RCBTB1: variants seen among roughly 807,000 people sequenced by gnomAD.
RCBTB1 encodes RCC1 and BTB domain-containing protein 1.
Under a neutral mutation model 62.4 loss-of-function variants are expected in RCBTB1, and 46 were observed. The observed-to-expected ratio is 0.74, with a 90% CI of 0.58 to 0.94. RCBTB1 has a LOEUF of 0.94. Ranked by LOEUF, RCBTB1 falls within the 40% of genes least tolerant of loss-of-function variation. The pLI is 0.00. For missense variants in RCBTB1, 565 were observed against 654.9 expected (o/e 0.86, Z 1.50); for synonymous variants, 222 against 245.8 (o/e 0.90, Z 0.91).
chr13:49,547,112 T>A, intron 9 of RCBTB1: 1 of 1,285,544 alleles, frequency 7.8e-7, no homozygotes, highest in Non-Finnish European at 1.0e-6. Context: ...GCCATACATG[T>A]GCAATTCTGG....
chr13:49,551,499 C>T, intron 7 of RCBTB1, 31 bp from the exon 8 acceptor site: 1 of 1,611,376 alleles, frequency 6.2e-7, no homozygotes, highest in Non-Finnish European at 8.5e-7. Context: ...TTACCATTAG[C>T]AGGAAAACAG....
chr13:49,563,355 CAAAAAAAA>C (rs57586924), intron 4 of RCBTB1, among the ~76,000 whole-genome samples: 4 of 52,212 alleles, frequency 7.7e-5, no homozygotes, highest in East Asian at 6.0e-4. Context: ...GACCCTGCCT[CAAAAAAAA>C]AAAAAAAAAA....
intron 6 of RCBTB1, among the ~76,000 whole-genome samples, chr13:49,554,570 C>T (rs180907270): frequency 6.6e-6 from 1 of 152,154 alleles, no homozygotes; most frequent in Non-Finnish European, 1.5e-5. Context: ...GGAACCGGGC[C>T]GCACAGCAGG....
intron 2 of RCBTB1, among the ~76,000 whole-genome samples, chr13:49,572,132 G>T (rs759419867): frequency 5.3e-5 from 8 of 152,032 alleles, no homozygotes; most frequent in Admixed American, 1.3e-4. Flanking sequence ...TTTGAGACCA[G>T]CCTAGATGAC....
At chr13:49,535,931 G>A (rs1269015116) in intron 12 of RCBTB1, among the ~76,000 whole-genome samples, 2 of 151,702 alleles carry the variant, frequency 1.3e-5, no homozygotes, top group Non-Finnish European at 2.9e-5. Context: ...GCTGAGGCAG[G>A]AGAATCGCTT....
At chr13:49,556,206 T>C (rs1594293259) in intron 5 of RCBTB1, among the ~76,000 whole-genome samples, 1 of 151,068 alleles carries the variant, frequency 6.6e-6, no homozygotes, top group East Asian at 1.9e-4. Context: ...GTTTTTTTTT[T>C]TTTTTTTTGA....
chr13:49,563,787 G>T (rs1962675989), intron 4 of RCBTB1, among the ~76,000 whole-genome samples: 1 of 152,226 alleles, frequency 6.6e-6, no homozygotes, highest in Non-Finnish European at 1.5e-5. Context: ...GCTCAGATTT[G>T]GATTTCACAG....
intron 2 of RCBTB1, among the ~76,000 whole-genome samples, chr13:49,569,529 T>C (rs932557707): frequency 2.0e-5 from 3 of 151,796 alleles, no homozygotes; most frequent in Non-Finnish European, 2.9e-5. Flanking sequence ...CTGGCAAACA[T>C]AGTGAAACCC....
In RCBTB1 at chr13:49,543,696, TAAA is replaced by T. The variant is rs555026426; in HGVS notation, c.1172+1038_1172+1040del. ...CACATTTATACAAGGAACTATATCT[TAAA>T]AACTTTTTTTTTCATTTTTGAGATA... On this transcript the variant is annotated intron_variant, in intron 10 of 12. Transcript: ENST00000378302. Among the ~76,000 whole-genome samples, 14 of 152,304 alleles carry T rather than the reference TAAA, an allele frequency of 9.2e-5. No individual in the cohort carries two copies. The South Asian group carries it at 2.7e-3, about 29-fold the overall frequency.
chr13:49,578,590 G>A (rs925155022), intron 2 of RCBTB1, among the ~76,000 whole-genome samples: 2 of 152,198 alleles, frequency 1.3e-5, no homozygotes, highest in African/African-American at 4.8e-5. Flanking sequence ...TTAAGGAAAT[G>A]AATGTATCAT....
chr13:49,537,290 T>C (rs1352368263), intron 12 of RCBTB1, among the ~76,000 whole-genome samples: 2 of 152,236 alleles, frequency 1.3e-5, no homozygotes, highest in Non-Finnish European at 2.9e-5. Context: ...GTACAAAATA[T>C]TCCAAATCAA....
intron 5 of RCBTB1, among the ~76,000 whole-genome samples, chr13:49,557,043 G>C (rs572866348): frequency 6.6e-6 from 1 of 152,184 alleles, no homozygotes; most frequent in Non-Finnish European, 1.5e-5. Flanking sequence ...CATGAGGCCT[G>C]TGTGCTATGC....
chr13:49,542,551 C>T (rs2139138347), intron 10 of RCBTB1, among the ~76,000 whole-genome samples: 1 of 152,190 alleles, frequency 6.6e-6, no homozygotes, highest in Non-Finnish European at 1.5e-5. Context: ...GACTATGTAT[C>T]AACATTAAAA....
At chr13:49,568,687 T>G (rs893069051) in intron 2 of RCBTB1, among the ~76,000 whole-genome samples, 2 of 151,914 alleles carry the variant, frequency 1.3e-5, no homozygotes, top group African/African-American at 4.8e-5. Flanking sequence ...TCCCAGCACT[T>G]TGGGAGGCCA....
intron 2 of RCBTB1, among the ~76,000 whole-genome samples, chr13:49,571,995 C>T (rs1370044718): frequency 6.6e-6 from 1 of 152,058 alleles, no homozygotes; most frequent in Non-Finnish European, 1.5e-5. Flanking sequence ...ATAAAATCTA[C>T]GTCAGACTTA....
rs919281423 is a variant in RCBTB1, at chr13:49,532,952, C to T, written c.*1170G>A. On this transcript the variant is annotated 3_prime_UTR_variant, in exon 13 of 13. Transcript: ENST00000378302. ...ACATCCCAAAGTCACCTTCCATAAC[C>T]AGTTCAAATAAACTACTGTCTTTTA... 2 of 152,198 alleles carry T rather than the reference C, an allele frequency of 1.3e-5. No homozygotes were observed. The highest frequency in any genetic ancestry group is 2.9e-5 in the Non-Finnish European group (2 of 68,038). The allele number at this position is 152,198 out of a possible 1,614,324, so 9.4% of individuals were successfully genotyped here.
rs554222724 is a variant in RCBTB1 at position 49,565,018 on chromosome 13, C to T, written c.277+1600G>A. Among the ~76,000 whole-genome samples, 12 of 152,288 alleles carry T rather than the reference C, an allele frequency of 7.9e-5. 1 individual carries two copies. The highest frequency in any genetic ancestry group is 7.8e-4 in the Admixed American group (12 of 15,304). ...TGTCCCGCTCCCGCTCCCATTCCCA[C>T]TCCCGCTCCCTCTCCCTCTCTTTCC... On this transcript the variant is annotated intron_variant, in intron 4 of 12. Coordinates refer to ENST00000378302, the MANE Select transcript of RCBTB1 (RefSeq NM_018191.4).
intron 12 of RCBTB1, 137 bp from the exon 13 acceptor site, chr13:49,534,399 T>G: frequency 1.2e-6 from 1 of 837,054 alleles, no homozygotes. Context: ...TACCTAAAAC[T>G]AGGCAAAAAG....
chr13:49,551,725 C>G (rs1961364523), intron 7 of RCBTB1, among the ~76,000 whole-genome samples: 1 of 152,024 alleles, frequency 6.6e-6, no homozygotes, highest in South Asian at 2.1e-4. Context: ...ACGGTGAAAC[C>G]CCGTCTCTAC....
Sources: gnomAD v4.1 joint callset for allele counts (sites outside exome capture counted in the v4.1 genomes callset) on GRCh38, gnomAD v4.1.1 for gene constraint, MANE v1.5 for transcripts, NCBI Gene and HGNC (gene_info 2026-07-23, HGNC 2026-07-21) for gene names.